The following NCOR2 variants were observed in gnomAD, a reference collection of about 807,000 sequenced individuals.
The protein encoded by NCOR2 is CTG repeat protein 26.
In NCOR2, 81 loss-of-function variants were observed where a neutral mutation model predicts 262.9. The observed-to-expected ratio is 0.31, with a 90% CI of 0.26 to 0.37. The LOEUF is 0.37. Ranked by LOEUF, NCOR2 falls within the 10% of genes least tolerant of loss-of-function variation. NCOR2 has a pLI of 1.00. For missense variants in NCOR2, 3,385 were observed against 3,621.4 expected, an observed-to-expected ratio of 0.93 and a Z score of 1.68; for synonymous variants, 1,659 against 1,559.3, an observed-to-expected ratio of 1.06 and a Z score of -1.51.
At chr12:124,433,497 C>T (rs535107978) in intron 8 of NCOR2, among the ~76,000 whole-genome samples, 4 of 152,336 alleles carry the variant, frequency 2.6e-5, no homozygotes, top group Admixed American at 2.6e-4. Flanking sequence ...CGGCCCGGCT[C>T]TAGCTGGGTC....
rs371697100 is a variant in NCOR2 at position 124,457,439 on chromosome 12, G to A, written c.706-277C>T. Among the ~76,000 whole-genome samples the A allele has an allele frequency of 2.6e-5, 4 of 152,112 alleles. No homozygotes were observed. The highest frequency in any genetic ancestry group is 4.4e-5 in the Non-Finnish European group (3 of 68,018). On this transcript the variant is annotated intron_variant, in intron 5 of 46. Coordinates refer to ENST00000405201, the Ensembl canonical transcript of NCOR2. The surrounding 1 kb of genome is among the most constrained non-coding windows in gnomAD (Gnocchi z 4.0). ...CACTGAAGCCTGCTCCCCGGCAGGC[G>A]CGCAGGCCTCGCTCCCCCAGGGCCC...
At chr12:124,380,811 T>C (rs983184906) in intron 17 of NCOR2, among the ~76,000 whole-genome samples, 2 of 151,788 alleles carry the variant, frequency 1.3e-5, no homozygotes, top group African/African-American at 4.8e-5. Context: ...TCTGAGGCAG[T>C]GGACGGGGAT....
At chr12:124,363,596 C>T in intron 21 of NCOR2, 83 bp downstream of exon 23, 1 of 1,235,210 alleles carries the variant, frequency 8.1e-7, no homozygotes, top group East Asian at 2.8e-5. Flanking sequence ...GTGCATGCTC[C>T]CGCCCGTGGG....
At chr12:124,411,768 G>A (rs1315419484) in intron 13 of NCOR2, among the ~76,000 whole-genome samples, 1 of 152,230 alleles carries the variant, frequency 6.6e-6, no homozygotes, top group Non-Finnish European at 1.5e-5. Context: ...CAGGGTGGTG[G>A]TGATGGGGCT....
chr12:124,439,177 C>T, intron 7 of NCOR2, among the ~76,000 whole-genome samples: 1 of 133,956 alleles, frequency 7.5e-6, no homozygotes, highest in Non-Finnish European at 1.6e-5. Context: ...AAACAGAGAC[C>T]CAGAGAGAGA....
At chr12:124,434,631 T>A (rs1203870785) in intron 8 of NCOR2, among the ~76,000 whole-genome samples, 2 of 152,054 alleles carry the variant, frequency 1.3e-5, no homozygotes, top group Non-Finnish European at 2.9e-5. Flanking sequence ...TCTCCTGCCC[T>A]CCCGAGAGGA....
At chr12:124,413,597 C>T (rs901313079) in intron 13 of NCOR2, among the ~76,000 whole-genome samples, 5 of 152,152 alleles carry the variant, frequency 3.3e-5, no homozygotes, top group African/African-American at 1.2e-4. Context: ...CCTGGAGCCA[C>T]GGGCACCGCG....
intron 20 of NCOR2, among the ~76,000 whole-genome samples, chr12:124,364,591 C>A (rs1485985960): frequency 1.3e-5 from 2 of 152,330 alleles, no homozygotes; most frequent in Middle Eastern, 3.4e-3. Context: ...CCTGGCAGAG[C>A]GTGCATTGGG....
intron 1 of NCOR2, among the ~76,000 whole-genome samples, chr12:124,516,609 C>T (rs1003913478): frequency 1.3e-5 from 2 of 152,174 alleles, no homozygotes; most frequent in Non-Finnish European, 2.9e-5. Flanking sequence ...CAGGCTCTCC[C>T]GAGACACACC....
rs924183838 is a variant in NCOR2, at chr12:124,503,227, G to A, written c.-117-7859C>T. Among the ~76,000 whole-genome samples the A allele has an allele frequency of 2.0e-5, 3 of 152,238 alleles. No homozygotes were observed. The highest frequency in any genetic ancestry group is 7.2e-5 in the African/African-American group (3 of 41,452). On this transcript the variant is annotated intron_variant, in intron 1 of 46. Coordinates refer to the NCOR2 transcript ENST00000404621. The surrounding 1 kb of genome is among the most constrained non-coding windows in gnomAD (Gnocchi z 4.3). ...ACTGTACAAGCACAGCTACAGCAGTGACCAAGTCAGACAAAAGGCAAAAGG... is the reference window on the plus strand; with the variant it reads ...ACTGTACAAGCACAGCTACAGCAGTAACCAAGTCAGACAAAAGGCAAAAGG...
rs2038637327 is a variant in NCOR2 at position 124,362,108 on chromosome 12, C to T, written c.3100+18G>A. On this transcript the variant is annotated intron_variant, in intron 22 of 46. Transcript: ENST00000405201. ...CCCCTGCTGCCCCAGCCCCACTCAG[C>T]CACTGGTGTGCACTCACCCTCCTTG... is the stretch of plus-strand genomic sequence containing the variant. 7.8e-7 allele frequency: 1 copy of T among 1,285,752 alleles called. No homozygotes were observed. Among genetic ancestry groups the T allele is most frequent in the African/African-American group, 1.5e-5 (1 of 66,284 alleles). 79.6% of individuals were successfully genotyped at this position (1,285,752 alleles called of 1,614,324 possible).
intron 1 of NCOR2, among the ~76,000 whole-genome samples, chr12:124,554,891 C>T (rs749242452): frequency 6.6e-6 from 1 of 152,214 alleles, no homozygotes; most frequent in Non-Finnish European, 1.5e-5. Context: ...TGGGAGCCTT[C>T]GAGGGTGACC....
intron 27 of NCOR2, among the ~76,000 whole-genome samples, chr12:124,353,131 A>T (rs2037642817): frequency 6.6e-6 from 1 of 152,192 alleles, no homozygotes; most frequent in Non-Finnish European, 1.5e-5. Context: ...AGGTTCGAGG[A>T]AGGGCGCGGG....
At chr12:124,418,045 T>C (rs899572662) in intron 13 of NCOR2, among the ~76,000 whole-genome samples, 173 of 148,436 alleles carry the variant, frequency 1.2e-3, no homozygotes, top group Non-Finnish European at 1.2e-3. Flanking sequence ...TGGGCGACGG[T>C]GTGAAACTCC....
Position 124,355,688 on chromosome 12 carries a change from G to A in NCOR2, c.3242-117C>T, listed in dbSNP as rs2037893552. The A allele has an allele frequency of 2.2e-6, 3 of 1,377,828 alleles. No homozygotes were observed. In the African/African-American group the frequency reaches 4.4e-5, roughly 20 times the overall value. The allele number at this position is 1,377,828 out of a possible 1,614,324, so 85.4% of individuals were successfully genotyped here. On this transcript the variant is annotated intron_variant, in intron 23 of 46. Coordinates refer to ENST00000405201, the Ensembl canonical transcript of NCOR2. The stretch of plus-strand genomic sequence containing the variant: ...TCCTGGCCAGGAAGTGCCCATCCAT[G>A]CGCACTCCTCTATTGCCCTGCCTGG...
intron 17 of NCOR2, among the ~76,000 whole-genome samples, chr12:124,379,977 G>A (rs1029679962): frequency 1.3e-5 from 2 of 152,202 alleles, no homozygotes; most frequent in African/African-American, 4.8e-5. Flanking sequence ...GCACAGCCCT[G>A]TGGACGCTTT....
chr12:124,429,437 C>T (rs1195279323), intron 10 of NCOR2, 176 bp downstream of exon 12: 2 of 648,030 alleles, frequency 3.1e-6, no homozygotes, highest in Admixed American at 2.6e-5. Flanking sequence ...TCTCTCTGCT[C>T]GCCCCTGCAG....
At chr12:124,480,563 T>C (rs1848598111) in intron 3 of NCOR2, among the ~76,000 whole-genome samples, 1 of 152,298 alleles carries the variant, frequency 6.6e-6, no homozygotes, top group Non-Finnish European at 1.5e-5. Context: ...AGGTGCTTAA[T>C]CTGTGCACAT....
chr12:124,447,995 C>T (rs563654471), intron 7 of NCOR2, among the ~76,000 whole-genome samples: 2 of 152,224 alleles, frequency 1.3e-5, no homozygotes, highest in Non-Finnish European at 2.9e-5. Flanking sequence ...TATTAGCTGA[C>T]ATTCTCTTGT....
Sources: gnomAD v4.1 joint callset for allele counts (sites outside exome capture counted in the v4.1 genomes callset) on GRCh38, gnomAD v4.1.1 for gene constraint, Gnocchi (gnomAD v3.1) non-coding constraint, MANE v1.5 for transcripts, NCBI Gene and HGNC (gene_info 2026-07-23, HGNC 2026-07-21) for gene names.